Variants in PSMD14 observed in about 807,000 individuals in gnomAD.
PSMD14 encodes ubiquitin C-terminal hydrolase PSMD14.
Under a neutral mutation model 41.2 loss-of-function variants are expected in PSMD14, and 7 were observed. The observed-to-expected ratio is 0.17, with a 90% CI of 0.10 to 0.32. PSMD14 has a LOEUF of 0.32. Ranked by LOEUF, PSMD14 falls within the 10% of genes least tolerant of loss-of-function variation. The pLI is 1.00. For synonymous variants in PSMD14, 114 were observed against 122.3 expected (o/e 0.93, Z 0.45); for missense variants, 139 against 375.6 (o/e 0.37, Z 5.21).
chr2:161,332,173 G>A (rs577522479), intron 3 of PSMD14, among the ~76,000 whole-genome samples: 104 of 152,170 alleles, frequency 6.8e-4, no homozygotes, highest in Middle Eastern at 3.4e-3. Context: ...GTAATACTTG[G>A]CCCATGTTTT....
chr2:161,367,976 C>T, intron 5 of PSMD14, 73 bp downstream of exon 5: 1 of 1,465,852 alleles, frequency 6.8e-7, no homozygotes, highest in South Asian at 1.4e-5. Flanking sequence ...TGCAAACTAA[C>T]TCTCATCATA....
intron 3 of PSMD14, 31 bp from the exon 4 acceptor site, chr2:161,367,442 GTTTGT>G (rs1683374816): frequency 1.3e-6 from 2 of 1,501,330 alleles, no homozygotes; most frequent in Admixed American, 2.0e-5. Context: ...TAAACTCTGT[GTTTGT>G]TTTAATAATA....
intron 7 of PSMD14, among the ~76,000 whole-genome samples, chr2:161,376,429 T>G (rs938962618): frequency 1.3e-5 from 2 of 151,832 alleles, no homozygotes; most frequent in African/African-American, 4.8e-5. Flanking sequence ...GATCAAGAAC[T>G]AGAATATTAA....
intron 11 of PSMD14, 99 bp from the exon 12 acceptor site, chr2:161,411,203 C>A: frequency 1.6e-6 from 1 of 611,732 alleles, no homozygotes. Flanking sequence ...TAAGGTCTGG[C>A]TTTCTTTACT....
intron 1 of PSMD14, among the ~76,000 whole-genome samples, chr2:161,311,510 G>T (rs1199903680): frequency 6.6e-6 from 1 of 151,666 alleles, no homozygotes; most frequent in Non-Finnish European, 1.5e-5. Flanking sequence ...TTATATGAGA[G>T]ACTTGTGTAT....
intron 10 of PSMD14, 127 bp from the exon 11 acceptor site, chr2:161,408,710 T>A (rs1683986762): frequency 3.1e-6 from 2 of 650,996 alleles, no homozygotes; most frequent in Non-Finnish European, 5.3e-6. Flanking sequence ...TTTTATTTGT[T>A]CAGTAAATTA....
chr2:161,375,639 A>G lies in PSMD14; in HGVS notation c.462+4317A>G, dbSNP rs114009378. 5.7e-3 allele frequency among the ~76,000 whole-genome samples: 871 copies of G among 152,076 alleles called. 9 individuals are homozygous for G. Among genetic ancestry groups the G allele is most frequent in the African/African-American group, 0.02 (835 of 41,534 alleles). On this transcript the variant is annotated intron_variant, in intron 7 of 11. Transcript: ENST00000409682. ...CATTCTTTTTTCCACAGATATTAGAATGTAAAATGAGTGCTTTGATTGGTT... is the reference window on the plus strand; with the variant it reads ...CATTCTTTTTTCCACAGATATTAGAGTGTAAAATGAGTGCTTTGATTGGTT...
At chr2:161,389,676 C>T (rs1234562309) in intron 8 of PSMD14, among the ~76,000 whole-genome samples, 2 of 151,524 alleles carry the variant, frequency 1.3e-5, no homozygotes, top group African/African-American at 2.4e-5. Context: ...GCTAGCAAAG[C>T]TTAAAAATTA....
Position 161,316,547 on chromosome 2 carries a change from T to G in PSMD14, c.-27T>G, listed in dbSNP as rs999733970. ...CTCAACAAATTGAAGGTTAACACCT[T>G]AAGAGTTGTAGTTACTGACCAGGTA... On this transcript the variant is annotated 5_prime_UTR_variant, in exon 2 of 12. Transcript: ENST00000409682. 1.3e-5 allele frequency: 2 copies of G among 152,216 alleles called. No individual in the cohort carries two copies. Among genetic ancestry groups the G allele is most frequent in the East Asian group, 1.9e-4 (1 of 5,196 alleles). 9.4% of individuals were successfully genotyped at this position (152,216 alleles called of 1,614,324 possible). A position where few individuals can be genotyped will look rare whatever the true frequency, so the allele number is the denominator to read the frequency against.
chr2:161,315,369 CCATT>C (rs1689135581), intron 1 of PSMD14, among the ~76,000 whole-genome samples: 1 of 152,086 alleles, frequency 6.6e-6, no homozygotes, highest in African/African-American at 2.4e-5. Context: ...TGTCTCCTTC[CCATT>C]CATCTTTGAT....
At chr2:161,364,315 G>C (rs1683328770) in intron 3 of PSMD14, among the ~76,000 whole-genome samples, 1 of 152,094 alleles carries the variant, frequency 6.6e-6, no homozygotes, top group Non-Finnish European at 1.5e-5. Flanking sequence ...TCCTCTCAAT[G>C]TCCAGCCACT....
chr2:161,343,461 A>G (rs1309447687), intron 3 of PSMD14, among the ~76,000 whole-genome samples: 3 of 152,172 alleles, frequency 2.0e-5, no homozygotes, highest in African/African-American at 4.8e-5. Flanking sequence ...CCATTCATCT[A>G]TTGATGAGCA....
chr2:161,373,021 T>C lies in PSMD14; in HGVS notation c.462+1699T>C, dbSNP rs183690714. Among the ~76,000 whole-genome samples the C allele has an allele frequency of 2.4e-3, 360 of 151,960 alleles. 1 individual carries two copies. Among genetic ancestry groups the C allele is most frequent in the Non-Finnish European group, 3.4e-3 (231 of 67,804 alleles). Reference sequence around the variant, plus strand: ...ATTCTCAAAATAGAGTAAATAAATGTAAATGTAAATAAATGAGTATGTATT... The same window carrying C: ...ATTCTCAAAATAGAGTAAATAAATGCAAATGTAAATAAATGAGTATGTATT... On this transcript the variant is annotated intron_variant, in intron 7 of 11. Transcript: ENST00000409682.
chr2:161,395,072 T>G lies in PSMD14; in HGVS notation c.646-6T>G, dbSNP rs1683774423. The G allele has an allele frequency of 6.3e-7, 1 of 1,578,516 alleles. No homozygotes were observed. Among genetic ancestry groups the G allele is most frequent in the East Asian group, 2.3e-5 (1 of 43,678 alleles). On this transcript the variant is annotated splice_region_variant and splice_polypyrimidine_tract_variant and intron_variant, in intron 9 of 11. Transcript: ENST00000409682. ...AAAAAGAATTACTTTTTCTTTTATT[T>G]TTTAGATGTTGCTAAATTTGCATAA...
intron 3 of PSMD14, among the ~76,000 whole-genome samples, chr2:161,345,304 G>A (rs1186634394): frequency 1.6e-4 from 21 of 130,582 alleles, no homozygotes; most frequent in Non-Finnish European, 2.9e-4. Flanking sequence ...GTGCAGTGCC[G>A]TGATCTCAGC....
chr2:161,359,527 G>A (rs1683260123), intron 3 of PSMD14, among the ~76,000 whole-genome samples: 1 of 151,750 alleles, frequency 6.6e-6, no homozygotes, highest in South Asian at 2.1e-4. Context: ...CTTGGAAAAA[G>A]GCATATTTTA....
chr2:161,353,241 T>A (rs971644413), intron 3 of PSMD14, among the ~76,000 whole-genome samples: 1 of 152,216 alleles, frequency 6.6e-6, no homozygotes, highest in African/African-American at 2.4e-5. Flanking sequence ...ATTGTCTTTA[T>A]AACTGTGTAT....
chr2:161,312,204 C>T (rs1009466827), intron 1 of PSMD14, among the ~76,000 whole-genome samples: 11 of 149,964 alleles, frequency 7.3e-5, no homozygotes, highest in Non-Finnish European at 1.3e-4. Context: ...AGTGCGGTGG[C>T]GCGATCTCGG....
At chr2:161,320,277 T>C (rs1417733647) in intron 3 of PSMD14, among the ~76,000 whole-genome samples, 3 of 152,226 alleles carry the variant, frequency 2.0e-5, no homozygotes, top group Admixed American at 6.5e-5. Flanking sequence ...TCCTTAAGCA[T>C]AGATACAATA....
Sources: allele counts gnomAD v4.1 joint callset (sites outside exome capture counted in the v4.1 genomes callset), GRCh38; gene constraint gnomAD v4.1.1; transcripts MANE v1.5; gene names NCBI Gene and HGNC (gene_info 2026-07-23, HGNC 2026-07-21).